Variants in MITF observed in about 807,000 individuals in gnomAD.
MITF encodes melanocyte inducing transcription factor.
MITF carries 17 observed loss-of-function variants against 60.5 expected under a neutral mutation model. The ratio of observed to expected loss-of-function variants is 0.28; its 90% CI spans 0.19 to 0.42. The LOEUF (loss-of-function observed/expected upper bound fraction) is 0.42. MITF is among the 10% of genes least tolerant of loss of function. MITF has a pLI of 1.00. For missense variants in MITF, 622 were observed against 683.5 expected, an observed-to-expected ratio of 0.91 and a Z score of 1.00; for synonymous variants, 260 against 248.5, an observed-to-expected ratio of 1.05 and a Z score of -0.43.
At chr3:69,870,438 A>ATT (rs1228387008) in intron 1 of MITF, among the ~76,000 whole-genome samples, 15 of 141,674 alleles carry the variant, frequency 1.1e-4, no homozygotes, top group East Asian at 2.0e-4. Context: ...ATATATATAT[A>ATT]TATTTTTTTT....
chr3:69,912,167 A>C (rs2065238238), intron 2 of MITF, among the ~76,000 whole-genome samples: 1 of 152,342 alleles, frequency 6.6e-6, no homozygotes, highest in African/African-American at 2.4e-5. Flanking sequence ...CAAGTATGTA[A>C]TTTTTGAAGA....
Position 69,764,922 on chromosome 3 carries a change from G to A in MITF, c.104+25221G>A, listed in dbSNP as rs142508069. 2.0e-3 allele frequency among the ~76,000 whole-genome samples: 306 copies of A among 152,288 alleles called. 1 individual carries two copies. The highest frequency in any genetic ancestry group is 3.4e-3 in the Non-Finnish European group (232 of 68,026). ...TGGCTTGCCTCTCCTTGTTTTAACA[G>A]TGGGAGTCTGGGCCTCAGGCTTTCT... is the stretch of plus-strand genomic sequence containing the variant. On this transcript the variant is annotated intron_variant, in intron 1 of 9. Transcript: ENST00000352241.
chr3:69,859,869 T>A (rs1461355542), intron 1 of MITF, among the ~76,000 whole-genome samples: 1 of 152,168 alleles, frequency 6.6e-6, no homozygotes, highest in Non-Finnish European at 1.5e-5. Flanking sequence ...AAAAACACCA[T>A]GATTTTCAGG....
chr3:69,897,699 A>G (rs965682383), intron 2 of MITF, among the ~76,000 whole-genome samples: 1 of 152,210 alleles, frequency 6.6e-6, no homozygotes, highest in Non-Finnish European at 1.5e-5. Context: ...GCTAGTAAGT[A>G]GACCTGGGAT....
At position 69,947,516 on chromosome 3, in the gene MITF, A is replaced by G. The variant is rs117310581; in HGVS notation, c.763-1535A>G. On this transcript the variant is annotated intron_variant, in intron 5 of 9. Coordinates refer to ENST00000352241, the MANE Select transcript of MITF (RefSeq NM_001354604.2). ...TAGTGAAATGACAGCTAATAATCAAAGTCACTTTTTATCAATTCCTTAGTT... is the reference window on the plus strand; with the variant it reads ...TAGTGAAATGACAGCTAATAATCAAGGTCACTTTTTATCAATTCCTTAGTT... Among the ~76,000 whole-genome samples the G allele has an allele frequency of 7.2e-5, 11 of 152,296 alleles. 1 individual carries two copies. In the East Asian group the frequency reaches 2.1e-3, roughly 29 times the overall value.
intron 2 of MITF, among the ~76,000 whole-genome samples, chr3:69,908,325 T>C (rs1403995031): frequency 3.9e-5 from 6 of 152,152 alleles, no homozygotes; most frequent in African/African-American, 1.4e-4. Flanking sequence ...CTGCTTTGTC[T>C]ATTGAAATAA....
intron 1 of MITF, among the ~76,000 whole-genome samples, chr3:69,765,479 A>T (rs1242676666): frequency 1.3e-5 from 2 of 151,684 alleles, no homozygotes; most frequent in Admixed American, 6.6e-5. Flanking sequence ...TCTGTGAAAA[A>T]TTTTTTTTTG....
chr3:69,858,051 A>AT (rs1284161297), intron 1 of MITF, among the ~76,000 whole-genome samples: 7 of 152,004 alleles, frequency 4.6e-5, no homozygotes, highest in Admixed American at 4.6e-4. Context: ...TTTAGGCATT[A>AT]TTTTTTTAAG....
chr3:69,744,792 TA>T (rs1368740230), intron 1 of MITF, among the ~76,000 whole-genome samples: 7 of 152,240 alleles, frequency 4.6e-5, no homozygotes, highest in Admixed American at 4.6e-4. Flanking sequence ...AGTGTTCAGA[TA>T]AATATTTTAC....
At chr3:69,830,069 C>G (rs950854060) in intron 1 of MITF, among the ~76,000 whole-genome samples, 3 of 152,146 alleles carry the variant, frequency 2.0e-5, no homozygotes, top group Non-Finnish European at 4.4e-5. Flanking sequence ...CTCTGCGAAT[C>G]TAGGATGGAT....
chr3:69,956,118 G>C (rs2066391651), intron 7 of MITF, among the ~76,000 whole-genome samples: 1 of 152,102 alleles, frequency 6.6e-6, no homozygotes, highest in Non-Finnish European at 1.5e-5. Flanking sequence ...TTAGAATTTG[G>C]GCTTTCACCA....
At chr3:69,840,394 T>C (rs768268321) in intron 1 of MITF, among the ~76,000 whole-genome samples, 1 of 152,138 alleles carries the variant, frequency 6.6e-6, no homozygotes, top group Non-Finnish European at 1.5e-5. Flanking sequence ...ACAGGAGTCT[T>C]GATGGAAGGC....
chr3:69,935,563 A>G (rs948661013), intron 2 of MITF, among the ~76,000 whole-genome samples: 5 of 152,204 alleles, frequency 3.3e-5, no homozygotes, highest in Admixed American at 3.3e-4. Context: ...ATATTAAATC[A>G]GTCATTTGAA....
chr3:69,850,808 G>A (rs2063812118), intron 1 of MITF, among the ~76,000 whole-genome samples: 1 of 152,150 alleles, frequency 6.6e-6, no homozygotes, highest in Non-Finnish European at 1.5e-5. Flanking sequence ...CTGCCCCTGA[G>A]GATTTGGACA....
intron 8 of MITF, among the ~76,000 whole-genome samples, chr3:69,957,004 C>G (rs2066415846): frequency 6.6e-6 from 1 of 152,148 alleles, no homozygotes; most frequent in African/African-American, 2.4e-5. Context: ...TTTATGAAAA[C>G]TTGCCTACTC....
At chr3:69,860,382 G>A (rs1409307822) in intron 1 of MITF, among the ~76,000 whole-genome samples, 6 of 152,104 alleles carry the variant, frequency 3.9e-5, no homozygotes, top group African/African-American at 1.2e-4. Context: ...CGAGGCGGGC[G>A]GATCACGAGG....
At chr3:69,816,502 T>C (rs1021023989) in intron 1 of MITF, among the ~76,000 whole-genome samples, 5 of 152,234 alleles carry the variant, frequency 3.3e-5, no homozygotes, top group Non-Finnish European at 7.3e-5. Flanking sequence ...TAGTTGATTG[T>C]AGTGGGAGAA....
intron 9 of MITF, among the ~76,000 whole-genome samples, chr3:69,963,205 G>A (rs867174789): frequency 1.9e-4 from 29 of 152,244 alleles, no homozygotes; most frequent in Middle Eastern, 3.4e-3. Context: ...CCAATAATAG[G>A]AATGTATGTG....
At chr3:69,879,922 CTAGAG>C (rs1456865714) in intron 2 of MITF, among the ~76,000 whole-genome samples, 1 of 152,090 alleles carries the variant, frequency 6.6e-6, no homozygotes, top group Non-Finnish European at 1.5e-5. Flanking sequence ...TGATTTCTTG[CTAGAG>C]TAGAAACTGC....
Sources: allele counts gnomAD v4.1 joint callset (sites outside exome capture counted in the v4.1 genomes callset), GRCh38; gene constraint gnomAD v4.1.1; transcripts MANE v1.5; gene names NCBI Gene and HGNC (gene_info 2026-07-23, HGNC 2026-07-21).